Variants in DUSP9 observed in about 807,000 individuals in gnomAD.
DUSP9 encodes the protein dual specificity phosphatase 9, also known as dual specificity protein phosphatase 9.
DUSP9 carries 4 observed loss-of-function variants against 13.2 expected under a neutral mutation model. The ratio of observed to expected loss-of-function variants is 0.30; its 90% CI spans 0.15 to 0.69. The LOEUF (loss-of-function observed/expected upper bound fraction) is 0.69. DUSP9 is among the 30% of genes least tolerant of loss of function. The pLI is 0.73. For synonymous variants in DUSP9, 166 were observed against 172.3 expected, an observed-to-expected ratio of 0.96 and a Z score of 0.29; for missense variants, 263 against 355.0, an observed-to-expected ratio of 0.74 and a Z score of 2.08.
chrX:153,650,178 G>C lies in DUSP9; in HGVS notation c.1028G>C (p.Ser343Thr), dbSNP rs2091208373. The C allele has an allele frequency of 3.3e-6, 4 of 1,212,280 alleles. No homozygotes were observed. The highest frequency in any genetic ancestry group is 4.5e-6 in the Non-Finnish European group (4 of 895,612). The change falls in exon 4 of 4, where the codon AGC (serine) becomes ACC (threonine). Residue 343 changes from serine (S) to threonine (T), a missense_variant. By Grantham distance (58) the Ser-to-Thr change is moderately conservative (BLOSUM62 1). Transcript: ENST00000342782. ...GGGCAGTTGCTGGACTTTGAGCGCAGCTTGCGGCTGGAGGAGCGCCACTCG... is the reference window on the plus strand; with the variant it reads ...GGGCAGTTGCTGGACTTTGAGCGCACCTTGCGGCTGGAGGAGCGCCACTCG... Reference protein sequence around the residue: ...FMGQLLDFERSLRLEERHSQE... With the variant: ...FMGQLLDFERTLRLEERHSQE...
upstream of DUSP9, chrX:153,643,655 A>G: frequency 3.6e-6 from 1 of 278,485 alleles, no homozygotes; most frequent in Non-Finnish European, 7.0e-6. Context: ...GCAAGCACGT[A>G]GTAGGTGGGT....
chrX:153,645,359 C>T (rs1352289338), upstream of DUSP9, among the ~76,000 whole-genome samples: 1 of 113,066 alleles, frequency 8.8e-6, no homozygotes, highest in African/African-American at 3.2e-5. Flanking sequence ...AGTCCAGCTG[C>T]CCAAAGCCCT....
chrX:153,646,952 C>T (rs1253345666), upstream of DUSP9, among the ~76,000 whole-genome samples: 1 of 112,832 alleles, frequency 8.9e-6, no homozygotes, highest in Non-Finnish European at 1.9e-5. Flanking sequence ...ACCCCTCCCC[C>T]TGCCTCCCGA....
chrX:153,646,007 C>A (rs1407865701), upstream of DUSP9, among the ~76,000 whole-genome samples: 1 of 112,981 alleles, frequency 8.9e-6, no homozygotes, highest in Non-Finnish European at 1.9e-5. Flanking sequence ...CTCCTTCCTG[C>A]AGTATGCAGT....
chrX:153,648,585 C>T (rs2091198752), intron 2 of DUSP9, among the ~76,000 whole-genome samples: 1 of 111,051 alleles, frequency 9.0e-6, no homozygotes, highest in South Asian at 3.8e-4. Context: ...TTACAAAGTG[C>T]GGGCTCCCCA....
At chrX:153,645,534 C>T (rs1268528775), upstream of DUSP9, among the ~76,000 whole-genome samples, 1 of 113,250 alleles carries the variant, frequency 8.8e-6, no homozygotes, top group Non-Finnish European at 1.9e-5. Context: ...ACCTAGCTTT[C>T]CGTCACCTGC....
Position 153,648,058 on chromosome X carries a change from G to A in DUSP9, c.105G>A (p.Ser35=), listed in dbSNP as rs1399066144. The part of the protein sequence containing the change: ...LDCRSRELYE[S]ARIGGALSVA... ...GCCGCAGCCGCGAGCTGTACGAGTC[G>A]GCGCGCATCGGTGGGGCGCTGAGCG... The change falls in exon 2 of 4, where the codon TCG becomes TCA. Residue 35 remains serine (S), a synonymous_variant. Coordinates refer to ENST00000342782, the MANE Select transcript of DUSP9 (RefSeq NM_001318503.2). 37 of 1,066,982 alleles carry A rather than the reference G, an allele frequency of 3.5e-5. No individual in the cohort carries two copies. The highest frequency in any genetic ancestry group is 4.4e-5 in the Non-Finnish European group (37 of 831,701). The allele number at this position is 1,066,982 out of a possible 1,213,427, so 87.9% of individuals were successfully genotyped here. A position where few individuals can be genotyped will look rare whatever the true frequency, so the allele number is the denominator to read the frequency against.
chrX:153,646,378 G>A (rs1557035512), upstream of DUSP9, among the ~76,000 whole-genome samples: 8 of 112,359 alleles, frequency 7.1e-5, no homozygotes, highest in Non-Finnish European at 1.5e-4. Flanking sequence ...TTGCAGGCCC[G>A]GAGGCAGGGA....
upstream of DUSP9, chrX:153,643,351 C>T (rs1381662519): frequency 1.4e-5 from 4 of 284,533 alleles, no homozygotes; most frequent in African/African-American, 1.1e-4. Context: ...ACCTGGCACG[C>T]GGGCTCTAGA....
At chrX:153,648,438 C>T (rs1249418390) in intron 2 of DUSP9, 112 bp downstream of exon 2, 2 of 887,027 alleles carry the variant, frequency 2.3e-6, no homozygotes, top group Non-Finnish European at 2.9e-6. Flanking sequence ...TGATGACCTG[C>T]CAGGCTGCTT....
chrX:153,647,818 G>T (rs1401212710), intron 1 of DUSP9, 101 bp from the exon 2 acceptor site: 2 of 714,731 alleles, frequency 2.8e-6, no homozygotes, highest in Non-Finnish European at 3.6e-6. Flanking sequence ...TCCTCATGGT[G>T]GGGGACCCTG....
chrX:153,650,374 C>A lies in DUSP9; in HGVS notation c.*69C>A. 1 of 859,699 alleles carries A rather than the reference C, an allele frequency of 1.2e-6. No individual in the cohort carries two copies. The highest frequency in any genetic ancestry group is 1.6e-6 in the Non-Finnish European group (1 of 621,571). 70.8% of individuals were successfully genotyped at this position (859,699 alleles called of 1,213,427 possible). On this transcript the variant is annotated 3_prime_UTR_variant, in exon 4 of 4. Transcript: ENST00000342782. Reference sequence around the variant, plus strand: ...CGGGTGTCCCTGCCCACTCGTGTGGCAAGGGAGGGGAGGGCAGGAGGGCTC... The same window carrying A: ...CGGGTGTCCCTGCCCACTCGTGTGGAAAGGGAGGGGAGGGCAGGAGGGCTC...
upstream of DUSP9, among the ~76,000 whole-genome samples, chrX:153,645,868 A>G (rs1431059222): frequency 8.9e-6 from 1 of 112,525 alleles, no homozygotes; most frequent in African/African-American, 3.2e-5. Flanking sequence ...CTCAAAAATG[A>G]GAACATTTCT....
In DUSP9 at chrX:153,649,961, C is replaced by T; in HGVS notation, c.830-19C>T. 1.7e-6 allele frequency: 2 copies of T among 1,198,922 alleles called. No homozygotes were observed. The highest frequency in any genetic ancestry group is 1.1e-6 in the Non-Finnish European group (1 of 889,082). ...CGCCTGCCCTCCGGGTCTCCCGGGC[C>T]CTTTCCTGCCCCATCTAGATGAGGC... On this transcript the variant is annotated intron_variant, in intron 3 of 3. Transcript: ENST00000342782.
upstream of DUSP9, chrX:153,643,650 C>T: frequency 1.4e-5 from 4 of 281,993 alleles, no homozygotes; most frequent in Non-Finnish European, 2.8e-5. Flanking sequence ...GCCCGGCAAG[C>T]ACGTAGTAGG....
At chrX:153,643,937 G>C (rs1408314669), upstream of DUSP9, among the ~76,000 whole-genome samples, 1 of 112,909 alleles carries the variant, frequency 8.9e-6, no homozygotes, top group African/African-American at 3.2e-5. Context: ...GCACACACCC[G>C]TTCCTGCCTT....
In DUSP9 at chrX:153,648,303, G is replaced by C; in HGVS notation, c.350G>C (p.Gly117Ala). Residue 117 changes from glycine to alanine, a missense_variant, in exon 2 of 4, where the codon GGC becomes GCC. By Grantham distance (60) the Gly-to-Ala change is moderately conservative (BLOSUM62 0). Transcript: ENST00000342782. ...CTGCTGCAGAAGCTGCGAGAGGAAG[G>C]CTACCTGGCCTACTACCTCCAGGGT... The part of the protein sequence containing the change: ...GTLLQKLREE[G>A]YLAYYLQGGF... 2 of 1,134,326 alleles carry C rather than the reference G, an allele frequency of 1.8e-6. No individual in the cohort carries two copies. The highest frequency in any genetic ancestry group is 2.3e-6 in the Non-Finnish European group (2 of 862,786). The allele number at this position is 1,134,326 out of a possible 1,213,427, so 93.5% of individuals were successfully genotyped here.
chrX:153,649,726 C>G (rs1557036179), intron 3 of DUSP9, 39 bp downstream of exon 3: 1 of 1,109,834 alleles, frequency 9.0e-7, no homozygotes. Flanking sequence ...CTGTCCTCCC[C>G]AAGGCCTGCT....
upstream of DUSP9, among the ~76,000 whole-genome samples, chrX:153,644,689 T>A (rs953725842): frequency 1.8e-5 from 2 of 112,582 alleles, no homozygotes. Flanking sequence ...GTGCGAGGAC[T>A]TGGCAGCAGG....
Sources: allele counts gnomAD v4.1 joint callset (sites outside exome capture counted in the v4.1 genomes callset), GRCh38; gene constraint gnomAD v4.1.1; transcripts MANE v1.5; gene names NCBI Gene and HGNC (gene_info 2026-07-23, HGNC 2026-07-21).